The following RPH3AL variants were observed in gnomAD, a reference collection of about 807,000 sequenced individuals.
The protein encoded by RPH3AL is rab effector Noc2.
RPH3AL carries 38 observed loss-of-function variants against 43.1 expected under a neutral mutation model. The ratio of observed to expected loss-of-function variants is 0.88; its 90% CI spans 0.68 to 1.15. RPH3AL has a LOEUF of 1.15. Ranked by LOEUF, RPH3AL falls within the 50% of genes most tolerant of loss-of-function variation. RPH3AL has a pLI of 0.00. For synonymous variants in RPH3AL, 189 were observed against 176.3 expected (o/e 1.07, Z -0.57); for missense variants, 462 against 423.2 (o/e 1.09, Z -0.81).
rs1201118953 is a variant in RPH3AL, at chr17:258,823, C to T, written c.439-11538G>A. 3.4e-5 allele frequency among the ~76,000 whole-genome samples: 5 copies of T among 148,486 alleles called. No individual in the cohort carries two copies. In the South Asian group the frequency reaches 6.4e-4, roughly 19 times the overall value. ...TTGCCCAGGCTGGAGTGCAATGGCA[C>T]GATCATGGCTCACTGCAGCCTTGAC... On this transcript the variant is annotated intron_variant, in intron 6 of 9. Transcript: ENST00000331302.
intron 6 of RPH3AL, among the ~76,000 whole-genome samples, chr17:252,346 A>G (rs2041925730): frequency 6.6e-6 from 1 of 152,126 alleles, no homozygotes; most frequent in Admixed American, 6.5e-5. Context: ...AAGTAAAATG[A>G]AACTAGGCCA....
At chr17:293,767 G>A (rs1428493907) in intron 5 of RPH3AL, among the ~76,000 whole-genome samples, 4 of 152,102 alleles carry the variant, frequency 2.6e-5, no homozygotes, top group East Asian at 1.9e-4. Context: ...GGTGGCTCAC[G>A]CCTGTAATCC....
intron 2 of RPH3AL, chr17:331,341 A>T: frequency 3.1e-6 from 1 of 318,988 alleles, no homozygotes; most frequent in Non-Finnish European, 6.2e-6. Flanking sequence ...TCGCCTCCAG[A>T]GCTGGGGCCA....
At chr17:263,171 G>T (rs185609042) in intron 6 of RPH3AL, among the ~76,000 whole-genome samples, 1 of 152,178 alleles carries the variant, frequency 6.6e-6, no homozygotes, top group African/African-American at 2.4e-5. Context: ...GGAGGGAGGT[G>T]GGCATGGGGG....
chr17:241,711 C>CTTTTTTTTTTTTTTTTTTT (rs1001979455), intron 7 of RPH3AL, among the ~76,000 whole-genome samples: 6 of 92,764 alleles, frequency 6.5e-5, no homozygotes, highest in Non-Finnish European at 1.1e-4. Context: ...GTTTCTTTTT[C>CTTTTTTTTTTTTTTTTTTT]TTTTTTTTTC....
intron 6 of RPH3AL, among the ~76,000 whole-genome samples, chr17:263,860 T>G (rs1482792730): frequency 6.6e-6 from 1 of 152,210 alleles, no homozygotes; most frequent in South Asian, 2.1e-4. Context: ...CACACATCAC[T>G]GCACCCACCT....
intron 2 of RPH3AL, among the ~76,000 whole-genome samples, chr17:329,992 A>G (rs1303944846): frequency 6.6e-6 from 1 of 152,262 alleles, no homozygotes; most frequent in African/African-American, 2.4e-5. Context: ...GTGACAGGAT[A>G]AAACCCAGAG....
intron 7 of RPH3AL, among the ~76,000 whole-genome samples, chr17:230,945 C>T (rs531414445): frequency 2.6e-5 from 4 of 152,308 alleles, no homozygotes; most frequent in Admixed American, 6.5e-5. Context: ...CTTGGCCTCC[C>T]GAAGTGCTGG....
rs1234677116 is a variant in RPH3AL, at chr17:213,830, T to G, written c.*22A>C. The G allele has an allele frequency of 6.2e-7, 1 of 1,606,700 alleles. No homozygotes were observed. Among genetic ancestry groups the G allele is most frequent in the Non-Finnish European group, 8.5e-7 (1 of 1,174,448 alleles). On this transcript the variant is annotated 3_prime_UTR_variant, in exon 10 of 10. Transcript: ENST00000331302. Reference sequence around the variant, plus strand: ...CTGGCAGGAATCCTCCACAGGGAAGTCTGTTCCAGGCACCAGACACCTCAG... The same window carrying G: ...CTGGCAGGAATCCTCCACAGGGAAGGCTGTTCCAGGCACCAGACACCTCAG...
intron 5 of RPH3AL, among the ~76,000 whole-genome samples, chr17:314,598 C>A (rs1598083765): frequency 2.7e-5 from 4 of 148,112 alleles, no homozygotes; most frequent in South Asian, 4.3e-4. Flanking sequence ...TGCTCCACCT[C>A]CACTGACCTG....
intron 6 of RPH3AL, among the ~76,000 whole-genome samples, chr17:267,605 G>A (rs973739506): frequency 1.1e-4 from 17 of 152,186 alleles, no homozygotes; most frequent in African/African-American, 3.6e-4. Flanking sequence ...CAGAGCGGGC[G>A]GCCTGCATCT....
chr17:216,159 C>A (rs61345251), intron 8 of RPH3AL, among the ~76,000 whole-genome samples: 569 of 41,502 alleles, frequency 0.014, 19 homozygotes, highest in African/African-American at 0.018. Flanking sequence ...ACATGGCTGC[C>A]GGGCTCTGGC....
chr17:258,637 C>T (rs1224430857), intron 6 of RPH3AL, among the ~76,000 whole-genome samples: 1 of 152,188 alleles, frequency 6.6e-6, no homozygotes, highest in Non-Finnish European at 1.5e-5. Context: ...CCGTCTCCCA[C>T]CCCCACTCCA....
In RPH3AL at chr17:322,037, T is replaced by A. The variant is rs952955483; in HGVS notation, c.78-622A>T. 6.6e-6 allele frequency among the ~76,000 whole-genome samples: 1 copy of A among 152,078 alleles called. No individual in the cohort carries two copies. The highest frequency in any genetic ancestry group is 1.5e-5 in the Non-Finnish European group (1 of 68,010). On this transcript the variant is annotated intron_variant, in intron 3 of 9. Coordinates refer to ENST00000331302, the MANE Select transcript of RPH3AL (RefSeq NM_006987.4). This position sits in a 1 kb window ranked among gnomAD's most constrained non-coding sequence, Gnocchi z 4.0. ...ATGTAATTAGGGTGAAGACACAGCG[T>A]TGATATGAACACTTTGAAAACTAGC...
At position 321,379 on chromosome 17, in the gene RPH3AL, C is replaced by G; in HGVS notation, c.114G>C (p.Thr38=). The G allele has an allele frequency of 4.3e-6, 7 of 1,611,126 alleles. No homozygotes were observed. Among genetic ancestry groups the G allele is most frequent in the Non-Finnish European group, 5.1e-6 (6 of 1,179,936 alleles). ...GGTGCTGCTTCCTCCTCTGCTTCTCCGTCTGGTAGGTGTGCACGGACCAGC... is the reference window on the plus strand; with the variant it reads ...GGTGCTGCTTCCTCCTCTGCTTCTCGGTCTGGTAGGTGTGCACGGACCAGC... ...QTGWSVHTYQ[T]EKQRRKQHLS... The change falls in exon 4 of 10, where the codon ACG becomes ACC. Residue 38 remains threonine, a synonymous_variant. Coordinates refer to ENST00000331302, the MANE Select transcript of RPH3AL (RefSeq NM_006987.4).
rs180921861 is a variant in RPH3AL at position 326,448 on chromosome 17, C to T, written c.77+1019G>A. ...TTTTGGACTTATCACATGCCAGAGA[C>T]GCCCAGCCCCTCTGAGGGACAGCGA... On this transcript the variant is annotated intron_variant, in intron 3 of 9. Transcript: ENST00000331302. Among the ~76,000 whole-genome samples, 61 of 152,290 alleles carry T rather than the reference C, an allele frequency of 4.0e-4. 1 individual carries two copies. The highest frequency in any genetic ancestry group is 6.8e-4 in the Non-Finnish European group (46 of 68,032).
intron 3 of RPH3AL, among the ~76,000 whole-genome samples, chr17:324,298 G>C (rs1347505990): frequency 6.6e-6 from 1 of 152,132 alleles, no homozygotes; most frequent in East Asian, 1.9e-4. Flanking sequence ...TCCGCCTCCG[G>C]GCCCCAGTCA....
chr17:319,322 G>T, intron 5 of RPH3AL, 98 bp downstream of exon 5: 3 of 1,423,774 alleles, frequency 2.1e-6, no homozygotes, highest in African/African-American at 1.4e-5. Flanking sequence ...GCCCAACGCA[G>T]ACATACACAC....
At chr17:292,849 C>T (rs931383649) in intron 5 of RPH3AL, among the ~76,000 whole-genome samples, 2 of 152,248 alleles carry the variant, frequency 1.3e-5, no homozygotes, top group African/African-American at 2.4e-5. Context: ...AGCCCTGGAC[C>T]TTACCCCGAC....
Sources: allele counts gnomAD v4.1 joint callset (sites outside exome capture counted in the v4.1 genomes callset), GRCh38; gene constraint gnomAD v4.1.1; non-coding constraint Gnocchi (gnomAD v3.1); transcripts MANE v1.5; gene names NCBI Gene and HGNC (gene_info 2026-07-23, HGNC 2026-07-21).